The following PROM1 variants were observed in gnomAD, a reference collection of about 807,000 sequenced individuals.
PROM1 encodes prominin 1.
In PROM1, 105 loss-of-function variants were observed where a neutral mutation model predicts 116.9. The ratio of observed to expected loss-of-function variants is 0.90; its 90% CI spans 0.77 to 1.06. The LOEUF (loss-of-function observed/expected upper bound fraction) is 1.06. PROM1 is among the 50% of genes least tolerant of loss of function. The pLI, the probability that PROM1 is intolerant of heterozygous loss-of-function variation, is 0.00. For synonymous variants in PROM1, 393 were observed against 387.0 expected, an observed-to-expected ratio of 1.02 and a Z score of -0.18; for missense variants, 1,122 against 1,045.2, an observed-to-expected ratio of 1.07 and a Z score of -1.01.
In PROM1 at chr4:15,990,685, C is replaced by T. The variant is rs145342194; in HGVS notation, c.1983+537G>A. Among the ~76,000 whole-genome samples the T allele has an allele frequency of 3.3e-4, 50 of 152,312 alleles. 1 individual carries two copies. In the East Asian group the frequency reaches 9.6e-3, roughly 29 times the overall value. ...AAGGCAGGTGGGACTCCGGACCAGA[C>T]TGAAGACTGGCGGAAACCAGAAAGA... On this transcript the variant is annotated intron_variant, in intron 18 of 27. Transcript: ENST00000447510.
chr4:16,027,886 A>G (rs1055372050), intron 5 of PROM1, among the ~76,000 whole-genome samples: 21 of 152,354 alleles, frequency 1.4e-4, no homozygotes, highest in African/African-American at 4.6e-4. Context: ...CCTTACTCAC[A>G]AGATCATCAG....
At chr4:16,068,630 T>A (rs1387379235) in intron 2 of PROM1, among the ~76,000 whole-genome samples, 2 of 152,238 alleles carry the variant, frequency 1.3e-5, no homozygotes, top group Admixed American at 6.5e-5. Context: ...ATTTATTCAA[T>A]TTTGTGGAAT....
intron 5 of PROM1, among the ~76,000 whole-genome samples, chr4:16,032,452 C>T (rs1285213428): frequency 3.3e-5 from 5 of 152,158 alleles, no homozygotes; most frequent in Admixed American, 2.0e-4. Flanking sequence ...AAAAATCTTA[C>T]GGCTACTGAG....
chr4:16,017,056 T>C (rs1247679717), intron 9 of PROM1, among the ~76,000 whole-genome samples: 1 of 152,216 alleles, frequency 6.6e-6, no homozygotes, highest in Non-Finnish European at 1.5e-5. Flanking sequence ...TTGATCATTA[T>C]ATAATGATTA....
At position 16,009,068 on chromosome 4, in the gene PROM1, G is replaced by A. The variant is rs769140245; in HGVS notation, c.1182C>T (p.Asp394=). Residue 394 remains aspartate, a synonymous_variant, in exon 12 of 28, where the codon GAC becomes GAT. Transcript: ENST00000447510. The stretch of plus-strand genomic sequence containing the variant: ...GAATAGGAAGACGCTGAGTTACATT[G>A]TCGATATCTGAACCAATGGAATTCA... ...RVLNSIGSDI[D]NVTQRLPIQD... is the part of the protein sequence containing the mutation. 5.0e-6 allele frequency: 8 copies of A among 1,611,994 alleles called. No individual in the cohort carries two copies. Among genetic ancestry groups the A allele is most frequent in the South Asian group, 4.4e-5 (4 of 90,984 alleles).
At chr4:16,046,609 G>A (rs780746785) in intron 2 of PROM1, among the ~76,000 whole-genome samples, 23 of 152,120 alleles carry the variant, frequency 1.5e-4, no homozygotes, top group Non-Finnish European at 3.1e-4. Context: ...TAGGTTGATC[G>A]GAAAAGAAAA....
At chr4:16,010,934 T>A (rs3822252) in intron 11 of PROM1, among the ~76,000 whole-genome samples, 1 of 152,190 alleles carries the variant, frequency 6.6e-6, no homozygotes, top group Non-Finnish European at 1.5e-5. Flanking sequence ...TGGGGGCTCA[T>A]TGCCTTCTCC....
intron 22 of PROM1, 104 bp from the exon 23 acceptor site, chr4:15,984,459 C>T: frequency 1.2e-6 from 1 of 818,070 alleles, no homozygotes; most frequent in Non-Finnish European, 1.9e-6. Flanking sequence ...AAAGGATCTC[C>T]ATGTCCTCTA....
At chr4:16,021,697 T>C (rs1461436784) in intron 8 of PROM1, among the ~76,000 whole-genome samples, 2 of 152,162 alleles carry the variant, frequency 1.3e-5, no homozygotes, top group Non-Finnish European at 2.9e-5. Context: ...CAGAGGTGCA[T>C]GTGTTGCCTC....
intron 2 of PROM1, among the ~76,000 whole-genome samples, chr4:16,071,858 A>G (rs1010303706): frequency 6.6e-6 from 1 of 152,146 alleles, no homozygotes; most frequent in Non-Finnish European, 1.5e-5. Context: ...CATGCCCTAG[A>G]CATGCCCTAC....
chr4:16,065,381 A>C (rs752132830), intron 2 of PROM1, among the ~76,000 whole-genome samples: 3 of 152,062 alleles, frequency 2.0e-5, no homozygotes, highest in Non-Finnish European at 2.9e-5. Context: ...CCACACACTC[A>C]TAGCTTAGTT....
intron 10 of PROM1, among the ~76,000 whole-genome samples, chr4:16,015,256 G>A (rs1728015152): frequency 7.1e-6 from 1 of 140,186 alleles, no homozygotes; most frequent in Non-Finnish European, 1.5e-5. Flanking sequence ...TGAGGCATGA[G>A]AATCGCTTGA....
At chr4:16,037,100 G>A (rs993395279) in intron 3 of PROM1, among the ~76,000 whole-genome samples, 1 of 152,164 alleles carries the variant, frequency 6.6e-6, no homozygotes, top group Non-Finnish European at 1.5e-5. Flanking sequence ...CAGACTCACA[G>A]GTTCCTCAAG....
intron 22 of PROM1, 178 bp downstream of exon 22, chr4:15,985,582 G>A (rs957080630): frequency 1.3e-5 from 8 of 613,252 alleles, no homozygotes; most frequent in Non-Finnish European, 2.3e-5. Context: ...CCAGGAGGTG[G>A]CTGTCCTCTG....
chr4:15,984,394 C>A, intron 22 of PROM1, 39 bp from the exon 23 acceptor site: 1 of 1,382,074 alleles, frequency 7.2e-7, no homozygotes, highest in South Asian at 1.4e-5. Context: ...TGAGCTGCAT[C>A]CACAAAAACC....
chr4:16,001,943 G>C (rs567370229), intron 13 of PROM1, among the ~76,000 whole-genome samples: 79 of 152,184 alleles, frequency 5.2e-4, no homozygotes, highest in Non-Finnish European at 9.3e-4. Context: ...ATTTTATCAG[G>C]ATCAGGGAAA....
chr4:16,031,328 C>G (rs559466424), intron 5 of PROM1, among the ~76,000 whole-genome samples: 1 of 151,802 alleles, frequency 6.6e-6, no homozygotes, highest in African/African-American at 2.4e-5. Context: ...ACAAATGTGG[C>G]GTGTAAGTTT....
chr4:16,075,481 T>G lies in PROM1; in HGVS notation c.220+206A>C, dbSNP rs557773520. Among the ~76,000 whole-genome samples the G allele has an allele frequency of 2.0e-5, 3 of 152,346 alleles. No individual in the cohort carries two copies. In the South Asian group the frequency reaches 6.2e-4, roughly 32 times the overall value. On this transcript the variant is annotated intron_variant, in intron 2 of 27. Transcript: ENST00000447510. ...GGAAAACCAACATAGCAACATCGTT[T>G]GCTTCCATTTCTTATAATAACATTC...
At chr4:16,000,762 T>A in intron 13 of PROM1, 143 bp from the exon 14 acceptor site, 1 of 682,650 alleles carries the variant, frequency 1.5e-6, no homozygotes. Flanking sequence ...CACCTAGGAG[T>A]GACACAGGGC....
Sources: gnomAD v4.1 joint callset for allele counts (sites outside exome capture counted in the v4.1 genomes callset) on GRCh38, gnomAD v4.1.1 for gene constraint, MANE v1.5 for transcripts, NCBI Gene and HGNC (gene_info 2026-07-23, HGNC 2026-07-21) for gene names.